ATG13: variants seen among roughly 807,000 people sequenced by gnomAD.
The protein encoded by ATG13 is autophagy related 13.
Under a neutral mutation model 65.5 loss-of-function variants are expected in ATG13, and 23 were observed. That is an observed-to-expected ratio of 0.35 (90% confidence interval 0.25 to 0.50). The LOEUF is 0.50. ATG13 is among the 20% of genes least tolerant of loss of function. The probability of loss-of-function intolerance (pLI) is 0.98; values close to 1 mark genes in which losing one functional copy is unlikely to be tolerated. For missense variants in ATG13, 566 were observed against 677.0 expected, an observed-to-expected ratio of 0.84 and a Z score of 1.82; for synonymous variants, 252 against 245.2, an observed-to-expected ratio of 1.03 and a Z score of -0.26.
rs199562035 is a variant in ATG13 at position 46,659,421 on chromosome 11, A to T, written c.725A>T (p.Tyr242Phe). Residue 242 changes from tyrosine (Y) to phenylalanine (F), a missense_variant, in exon 11 of 19, where the codon TAC (tyrosine) becomes TTC (phenylalanine). Transcript: ENST00000683050. ...GCTGGTGAGGACACTGGAGTAATAT[A>T]CCCGTCTGTAGAAGACTCTCAAGAA... ...RTAGEDTGVI[Y>F]PSVEDSQEVC... 6.2e-7 allele frequency: 1 copy of T among 1,613,912 alleles called. No individual in the cohort carries two copies. The highest frequency in any genetic ancestry group is 8.5e-7 in the Non-Finnish European group (1 of 1,179,840).
At chr11:46,672,118 C>T (rs1236224411) in intron 18 of ATG13, 137 bp from the exon 19 acceptor site, 1 of 1,367,212 alleles carries the variant, frequency 7.3e-7, no homozygotes, top group African/African-American at 1.4e-5. Flanking sequence ...ACGCAGCTGC[C>T]CTGCGTTCTC....
chr11:46,656,078 T>C (rs144390958), intron 7 of ATG13, among the ~76,000 whole-genome samples, 155 bp from the exon 8 acceptor site: 61 of 152,326 alleles, frequency 4.0e-4, no homozygotes, highest in Non-Finnish European at 5.6e-4. Context: ...TGTAGCTTAA[T>C]TGAAGTAGTA....
chr11:46,621,748 G>T (rs962611918), intron 1 of ATG13, among the ~76,000 whole-genome samples: 4 of 151,988 alleles, frequency 2.6e-5, no homozygotes, highest in African/African-American at 9.7e-5. Context: ...TGGGCTTTAT[G>T]CAGGGTACAG....
At chr11:46,635,878 G>A (rs1176094317) in intron 2 of ATG13, among the ~76,000 whole-genome samples, 1 of 152,176 alleles carries the variant, frequency 6.6e-6, no homozygotes, top group African/African-American at 2.4e-5. Context: ...ATCTGATGGT[G>A]ATAATCCAAT....
intron 10 of ATG13, among the ~76,000 whole-genome samples, chr11:46,658,511 T>C (rs1172872780): frequency 6.6e-6 from 1 of 151,942 alleles, no homozygotes; most frequent in Non-Finnish European, 1.5e-5. Context: ...GCCCAGGCAA[T>C]GTGGTGAAAC....
chr11:46,643,794 A>T (rs2136247646), intron 2 of ATG13, among the ~76,000 whole-genome samples: 1 of 152,214 alleles, frequency 6.6e-6, no homozygotes, highest in South Asian at 2.1e-4. Flanking sequence ...AAATCCATGA[A>T]TCCCCATGAA....
At chr11:46,667,639 C>T (rs770688927) in intron 14 of ATG13, 134 bp from the exon 15 acceptor site, 84 of 547,978 alleles carry the variant, frequency 1.5e-4, no homozygotes, top group Non-Finnish European at 2.5e-4. Context: ...CACATAATGC[C>T]ATCTCCCATT....
intron 2 of ATG13, among the ~76,000 whole-genome samples, chr11:46,640,535 C>T (rs1028506036): frequency 2.6e-5 from 4 of 152,150 alleles, no homozygotes; most frequent in Admixed American, 2.6e-4. Context: ...GATATCTTAG[C>T]TAGAGCCTCT....
intron 12 of ATG13, 104 bp downstream of exon 12, chr11:46,664,199 C>T: frequency 2.2e-6 from 2 of 913,610 alleles, no homozygotes; most frequent in South Asian, 1.7e-5. Flanking sequence ...CCCAAGTGTT[C>T]TGTGGGATTA....
intron 6 of ATG13, among the ~76,000 whole-genome samples, chr11:46,649,954 T>C (rs537492185): frequency 6.6e-5 from 10 of 152,070 alleles, no homozygotes; most frequent in Non-Finnish European, 1.5e-4. Context: ...AAAAAAAAAA[T>C]AACCACTTTG....
In ATG13 at chr11:46,617,648, G is replaced by A. The variant is rs935432242; in HGVS notation, c.-312G>A. ...TAAGGCGGGAGTGACCGCTTAACCA[G>A]TGAGGGAAGCACTGAAGAGCGCCAG... On this transcript the variant is annotated 5_prime_UTR_variant, in exon 1 of 19. The change creates a new upstream start codon in the 5' untranslated region. Transcript: ENST00000683050. 9 of 359,320 alleles carry A rather than the reference G, an allele frequency of 2.5e-5. No individual in the cohort carries two copies. Among genetic ancestry groups the A allele is most frequent in the African/African-American group, 6.5e-5 (3 of 46,330 alleles). 22.3% of individuals were successfully genotyped at this position (359,320 alleles called of 1,614,324 possible).
At position 46,672,438 on chromosome 11, in the gene ATG13, G is replaced by T. The variant is rs1405284983; in HGVS notation, c.*106G>T. ...CCCTCATCCTGCTCTGAGCCAGGTG[G>T]AAGGGAGGCTGGCTTCTCCCATGGG... On this transcript the variant is annotated 3_prime_UTR_variant, in exon 19 of 19. Transcript: ENST00000683050. 6.3e-6 allele frequency: 10 copies of T among 1,591,732 alleles called. No homozygotes were observed. Among genetic ancestry groups the T allele is most frequent in the Non-Finnish European group, 7.7e-6 (9 of 1,168,082 alleles).
intron 7 of ATG13, among the ~76,000 whole-genome samples, chr11:46,655,348 A>C (rs1249626069): frequency 6.6e-6 from 1 of 152,088 alleles, no homozygotes; most frequent in African/African-American, 2.4e-5. Context: ...CAGTGAGCCG[A>C]GATTGCACCA....
At chr11:46,627,103 G>A (rs1388890959) in intron 1 of ATG13, among the ~76,000 whole-genome samples, 5 of 152,048 alleles carry the variant, frequency 3.3e-5, no homozygotes, top group Admixed American at 2.0e-4. Context: ...AGCCCGGGCC[G>A]GGCGTGATGG....
chr11:46,647,837 C>T (rs968940441), intron 5 of ATG13, among the ~76,000 whole-genome samples: 1 of 151,074 alleles, frequency 6.6e-6, no homozygotes, highest in Admixed American at 6.6e-5. Context: ...CTTCAAACTC[C>T]TGGCCTCAAC....
chr11:46,665,072 GCAAA>G, intron 13 of ATG13, 113 bp downstream of exon 13: 1 of 1,112,154 alleles, frequency 9.0e-7, no homozygotes, highest in South Asian at 1.5e-5. Flanking sequence ...ATATTCTGAA[GCAAA>G]ACTCTTTCGT....
intron 1 of ATG13, among the ~76,000 whole-genome samples, chr11:46,627,469 G>A (rs1018254583): frequency 7.2e-5 from 11 of 152,088 alleles, no homozygotes; most frequent in East Asian, 3.9e-4. Context: ...TGATAAACAT[G>A]AGTTTAAAAG....
chr11:46,668,465 C>A (rs2062904158), intron 15 of ATG13, 34 bp from the exon 16 acceptor site: 1 of 1,594,776 alleles, frequency 6.3e-7, no homozygotes, highest in East Asian at 2.2e-5. Context: ...GCAGGAGGGG[C>A]AGGCATGAAT....
At position 46,657,469 on chromosome 11, in the gene ATG13, G is replaced by T. The variant is rs1487185226; in HGVS notation, c.597-55G>T. 3.9e-6 allele frequency: 6 copies of T among 1,543,876 alleles called. No individual in the cohort carries two copies. In the South Asian group the frequency reaches 4.5e-5, roughly 11 times the overall value. Reference sequence around the variant, plus strand: ...AGGTGAGGGGCCCTCTGAGGACTTTGTGGGGGCTGGAAAGGCATTCTAACA... The same window carrying T: ...AGGTGAGGGGCCCTCTGAGGACTTTTTGGGGGCTGGAAAGGCATTCTAACA... On this transcript the variant is annotated intron_variant, in intron 9 of 18. Transcript: ENST00000683050.
Sources: gnomAD v4.1 joint callset for allele counts (sites outside exome capture counted in the v4.1 genomes callset) on GRCh38, gnomAD v4.1.1 for gene constraint, MANE v1.5 for transcripts, NCBI Gene and HGNC (gene_info 2026-07-23, HGNC 2026-07-21) for gene names.